RBFOX1: variants seen among roughly 807,000 people sequenced by gnomAD.
RBFOX1 encodes RNA binding fox-1 homolog 1, also known as RNA binding protein fox-1 homolog 1.
In RBFOX1, 8 loss-of-function variants were observed where a neutral mutation model predicts 57.7. That is an observed-to-expected ratio of 0.14 (90% CI 0.08 to 0.25). RBFOX1 has a LOEUF of 0.25. Ranked by LOEUF, RBFOX1 falls within the 10% of genes least tolerant of loss-of-function variation. The pLI is 1.00. For missense variants in RBFOX1, 611 were observed against 548.5 expected, an observed-to-expected ratio of 1.11 and a Z score of -1.14; for synonymous variants, 326 against 222.4, an observed-to-expected ratio of 1.47 and a Z score of -4.15.
intron 2 of RBFOX1, among the ~76,000 whole-genome samples, chr16:6,643,462 A>C (rs2098508672): frequency 6.6e-6 from 1 of 152,184 alleles, no homozygotes; most frequent in African/African-American, 2.4e-5. Flanking sequence ...TTGGAGGATT[A>C]AGTGAACACA....
At chr16:7,216,010 A>C (rs1007535056) in intron 4 of RBFOX1, among the ~76,000 whole-genome samples, 1 of 152,150 alleles carries the variant, frequency 6.6e-6, no homozygotes, top group Admixed American at 6.5e-5. Flanking sequence ...GGCGTGAGCC[A>C]CCGCGCCCAG....
intron 1 of RBFOX1, among the ~76,000 whole-genome samples, chr16:5,277,326 G>A (rs1483990070): frequency 6.6e-6 from 1 of 151,998 alleles, no homozygotes; most frequent in South Asian, 2.1e-4. Context: ...GGGGGTGAGA[G>A]ATAAAAGACT....
chr16:6,531,524 G>C (rs2096657928), intron 2 of RBFOX1, among the ~76,000 whole-genome samples: 1 of 152,180 alleles, frequency 6.6e-6, no homozygotes. Context: ...ACTTTTCATA[G>C]TTTTTAATTT....
intron 3 of RBFOX1, among the ~76,000 whole-genome samples, chr16:5,721,749 T>C (rs4786769): frequency 0.57 from 86,274 of 152,084 alleles, 27,503 homozygotes; most frequent in Non-Finnish European, 0.73. Context: ...CTTTATTATC[T>C]GCTCATTCTG....
At chr16:5,972,310 C>A (rs1307318316) in intron 4 of RBFOX1, among the ~76,000 whole-genome samples, 2 of 152,158 alleles carry the variant, frequency 1.3e-5, no homozygotes, top group Non-Finnish European at 2.9e-5. Context: ...TTTCCATAGG[C>A]TACACATGGA....
chr16:6,526,176 A>G (rs1361992615), intron 2 of RBFOX1, among the ~76,000 whole-genome samples: 1 of 152,168 alleles, frequency 6.6e-6, no homozygotes, highest in Non-Finnish European at 1.5e-5. Flanking sequence ...ACCATTCTTT[A>G]TTTCAGGACT....
intron 3 of RBFOX1, among the ~76,000 whole-genome samples, chr16:5,623,773 A>G (rs1011117425): frequency 2.0e-5 from 3 of 151,452 alleles, no homozygotes; most frequent in Non-Finnish European, 4.4e-5. Flanking sequence ...CTCCCTCTCA[A>G]TCTGGTTGAG....
chr16:6,726,022 C>CT (rs1382977991), intron 3 of RBFOX1, among the ~76,000 whole-genome samples: 2 of 152,160 alleles, frequency 1.3e-5, no homozygotes, highest in Non-Finnish European at 2.9e-5. Flanking sequence ...ATCACCCTTT[C>CT]TGTCTCGGCA....
intron 2 of RBFOX1, among the ~76,000 whole-genome samples, chr16:6,590,406 G>C (rs1162854927): frequency 6.6e-6 from 1 of 152,090 alleles, no homozygotes; most frequent in Non-Finnish European, 1.5e-5. Context: ...TCAATCAAAA[G>C]CTAATTTTTT....
intron 3 of RBFOX1, among the ~76,000 whole-genome samples, chr16:6,756,749 G>C (rs1487824856): frequency 6.6e-6 from 1 of 151,960 alleles, no homozygotes; most frequent in Non-Finnish European, 1.5e-5. Context: ...AGGCAGGGGG[G>C]TCATGTGAGG....
chr16:5,379,250 T>G (rs1246095337), intron 1 of RBFOX1, among the ~76,000 whole-genome samples: 1 of 151,618 alleles, frequency 6.6e-6, no homozygotes, highest in Non-Finnish European at 1.5e-5. Flanking sequence ...GAATTTCATA[T>G]TTGGTTTCAT....
intron 4 of RBFOX1, among the ~76,000 whole-genome samples, chr16:7,188,201 A>T (rs1463253628): frequency 6.6e-6 from 1 of 152,144 alleles, no homozygotes; most frequent in Non-Finnish European, 1.5e-5. Flanking sequence ...GGAATGAAAC[A>T]CTCCCTGAGC....
chr16:5,778,707 C>G (rs1345178342), intron 3 of RBFOX1, among the ~76,000 whole-genome samples: 1 of 152,102 alleles, frequency 6.6e-6, no homozygotes, highest in East Asian at 1.9e-4. Context: ...GGTGGGGATC[C>G]CTTCTTCACT....
intron 5 of RBFOX1, among the ~76,000 whole-genome samples, chr16:7,549,145 A>G (rs1397403276): frequency 6.6e-6 from 1 of 152,188 alleles, no homozygotes; most frequent in Non-Finnish European, 1.5e-5. Context: ...GGTTCCAGAG[A>G]GAAGAGCTGG....
intron 1 of RBFOX1, among the ~76,000 whole-genome samples, chr16:6,126,660 G>T (rs1190997128): frequency 6.6e-6 from 1 of 152,018 alleles, no homozygotes; most frequent in East Asian, 1.9e-4. Flanking sequence ...ATATTCTGGG[G>T]GTCTGGCTCC....
intron 1 of RBFOX1, among the ~76,000 whole-genome samples, chr16:6,298,788 T>C (rs2078442865): frequency 6.6e-6 from 1 of 152,324 alleles, no homozygotes; most frequent in African/African-American, 2.4e-5. Flanking sequence ...AGTTTACATA[T>C]TTGTTGGATG....
intron 3 of RBFOX1, among the ~76,000 whole-genome samples, chr16:6,676,862 G>A (rs2154117282): frequency 6.6e-6 from 1 of 151,758 alleles, no homozygotes; most frequent in African/African-American, 2.4e-5. Context: ...TTTTAGTAGA[G>A]ACGGGGTTTC....
intron 14 of RBFOX1, among the ~76,000 whole-genome samples, chr16:7,703,656 A>T (rs1043717962): frequency 1.3e-5 from 2 of 152,210 alleles, no homozygotes; most frequent in African/African-American, 4.8e-5. Flanking sequence ...AGCTTGTTTC[A>T]AGTAGGTGTA....
At chr16:6,535,855 G>C (rs142296029) in intron 2 of RBFOX1, among the ~76,000 whole-genome samples, 24 of 152,256 alleles carry the variant, frequency 1.6e-4, no homozygotes, top group African/African-American at 5.3e-4. Context: ...TTTCTCAATA[G>C]TGGCAATGTA....
Sources: allele counts gnomAD v4.1 joint callset (sites outside exome capture counted in the v4.1 genomes callset), GRCh38; gene constraint gnomAD v4.1.1; transcripts MANE v1.5; gene names NCBI Gene and HGNC (gene_info 2026-07-23, HGNC 2026-07-21).